ALLC: variants seen among roughly 807,000 people sequenced by gnomAD.
ALLC encodes the protein allantoicase, also known as probable inactive allantoicase.
Under a neutral mutation model 45.0 loss-of-function variants are expected in ALLC, and 40 were observed. The observed-to-expected ratio is 0.89, with a 90% CI of 0.69 to 1.16. The LOEUF (loss-of-function observed/expected upper bound fraction) is 1.16, where lower values mean the gene tolerates loss of function less well. Among genes scored for constraint, ALLC ranks in the 50% most tolerant of loss-of-function variants. ALLC has a pLI of 0.00. For missense variants in ALLC, 488 were observed against 493.1 expected, an observed-to-expected ratio of 0.99 and a Z score of 0.10; for synonymous variants, 176 against 178.1, an observed-to-expected ratio of 0.99 and a Z score of 0.09.
rs1558532850 is a variant in ALLC at position 3,660,819 on chromosome 2, A to AATCGGAATGAGTCAGGGTGGGGCAGGTG, written c.-63+2545_-63+2546insGGCAGGTGATCGGAATGAGTCAGGGTGG. On this transcript the variant is annotated intron_variant, in intron 1 of 11. Coordinates refer to ENST00000252505, the MANE Select transcript of ALLC (RefSeq NM_018436.4). The stretch of plus-strand genomic sequence containing the variant: ...CGGAATGAGTCAGGGTGGGGCAGGA[A>AATCGGAATGAGTCAGGGTGGGGCAGGTG]ATCGGAATGAGTCAGGGTGGAGCAG... Among the ~76,000 whole-genome samples the AATCGGAATGAGTCAGGGTGGGGCAGGTG allele has an allele frequency of 8.0e-3, 854 of 106,388 alleles. 4 individuals are homozygous for AATCGGAATGAGTCAGGGTGGGGCAGGTG. The highest frequency in any genetic ancestry group is 9.6e-3 in the Non-Finnish European group (514 of 53,420). The allele number at this position is 106,388 out of a possible 152,430, so 69.8% of individuals were successfully genotyped here.
the ALLC span, among the ~76,000 whole-genome samples, chr2:3,651,398 T>C: frequency 1.6e-4 from 4 of 25,752 alleles, 1 homozygote; most frequent in African/African-American, 5.8e-4. Context: ...TGTGTGTGTG[T>C]GTGTGTGTGT....
At chr2:3,675,076 A>T (rs776612711) in intron 3 of ALLC, among the ~76,000 whole-genome samples, 1 of 152,158 alleles carries the variant, frequency 6.6e-6, no homozygotes, top group African/African-American at 2.4e-5. Flanking sequence ...GCTCTTCCAG[A>T]TATGGACTAT....
At chr2:3,651,305 T>C in the ALLC span, among the ~76,000 whole-genome samples, 3 of 23,348 alleles carry the variant, frequency 1.3e-4, no homozygotes, top group Non-Finnish European at 1.8e-4. Context: ...TTTGGGTGGG[T>C]GGGTGGGTGG....
chr2:3,697,730 A>G (rs924017614), intron 10 of ALLC, among the ~76,000 whole-genome samples: 6 of 151,656 alleles, frequency 4.0e-5, no homozygotes, highest in Admixed American at 6.6e-5. Flanking sequence ...CAGTGGCGCA[A>G]TCTCAGCTCA....
chr2:3,675,389 A>C (rs1170981347), intron 3 of ALLC, among the ~76,000 whole-genome samples: 3 of 13,994 alleles, frequency 2.1e-4, no homozygotes, highest in African/African-American at 3.1e-4. Context: ...GACCCTGTCA[A>C]AAAAAAAAAA....
rs185248817 is a variant in ALLC at position 3,662,504 on chromosome 2, A to G, written c.-63+4210A>G. Among the ~76,000 whole-genome samples, 6 of 152,384 alleles carry G rather than the reference A, an allele frequency of 3.9e-5. No individual in the cohort carries two copies. The East Asian group carries it at 1.2e-3, about 29-fold the overall frequency. On this transcript the variant is annotated intron_variant, in intron 1 of 11. Transcript: ENST00000252505. ...GTCATGAGTGGATGCTTTAGGAATT[A>G]GTGGCTGATGAGATATACGGACTAA...
the ALLC span, among the ~76,000 whole-genome samples, chr2:3,651,399 G>GCA: frequency 5.5e-5 from 2 of 36,148 alleles, no homozygotes; most frequent in African/African-American, 9.1e-5. Flanking sequence ...GTGTGTGTGT[G>GCA]TGTGTGTGTG....
chr2:3,686,598 T>C (rs149004102), intron 7 of ALLC, among the ~76,000 whole-genome samples: 3 of 151,126 alleles, frequency 2.0e-5, no homozygotes, highest in African/African-American at 7.2e-5. Flanking sequence ...ATTTTTTCTG[T>C]GTCCTCTTCA....
intron 3 of ALLC, among the ~76,000 whole-genome samples, chr2:3,675,496 GAT>G (rs1276201069): frequency 6.6e-6 from 1 of 151,872 alleles, no homozygotes; most frequent in Non-Finnish European, 1.5e-5. Flanking sequence ...CAAACAGTGA[GAT>G]GTGATTATCT....
At position 3,680,559 on chromosome 2, in the gene ALLC, C is replaced by T. The variant is rs2148006789; in HGVS notation, c.298+565C>T. 6.6e-6 allele frequency among the ~76,000 whole-genome samples: 1 copy of T among 152,314 alleles called. No individual in the cohort carries two copies. On this transcript the variant is annotated intron_variant, in intron 5 of 11. Transcript: ENST00000252505. This position sits in a 1 kb window ranked among gnomAD's most constrained non-coding sequence, Gnocchi z 4.0. ...CTCAGGTGCTGAAGAAGCCAAGAAA[C>T]CAAAGAAAGAGGCTGACAAATCCAG...
intron 1 of ALLC, among the ~76,000 whole-genome samples, chr2:3,668,123 A>G (rs992586309): frequency 6.6e-6 from 1 of 152,220 alleles, no homozygotes; most frequent in Admixed American, 6.5e-5. Flanking sequence ...GGGAACAAAG[A>G]TGGGCCCGGA....
chr2:3,674,916 A>G (rs1412200686), intron 3 of ALLC, among the ~76,000 whole-genome samples: 4 of 152,232 alleles, frequency 2.6e-5, no homozygotes, highest in Non-Finnish European at 4.4e-5. Flanking sequence ...ACTGAAATGC[A>G]TGTCTACCTT....
intron 10 of ALLC, among the ~76,000 whole-genome samples, 161 bp downstream of exon 10, chr2:3,697,617 GTCTGTCTATCTATCTATCTA>G (rs1278603626): frequency 3.6e-5 from 5 of 138,708 alleles, no homozygotes; most frequent in East Asian, 4.2e-4. Flanking sequence ...AACTCTGTCT[GTCTGTCTATCTATCTATCTA>G]TCTATCTATC....
chr2:3,681,015 T>C (rs952118582), intron 5 of ALLC, among the ~76,000 whole-genome samples: 1 of 152,212 alleles, frequency 6.6e-6, no homozygotes, highest in African/African-American at 2.4e-5. Flanking sequence ...TGTGTGTGTT[T>C]ATACATGTAC....
At chr2:3,655,509 G>A (rs1666418587), upstream of ALLC, among the ~76,000 whole-genome samples, 1 of 152,234 alleles carries the variant, frequency 6.6e-6, no homozygotes, top group African/African-American at 2.4e-5. Flanking sequence ...AGGCTGGAGA[G>A]CAGTGGTGCG....
At chr2:3,648,925 A>T in the ALLC span, among the ~76,000 whole-genome samples, 3 of 152,194 alleles carry the variant, frequency 2.0e-5, no homozygotes, top group Non-Finnish European at 2.9e-5. Context: ...TGAGGATTAC[A>T]TGACACGATG....
chr2:3,669,109 G>T (rs907460419), intron 1 of ALLC, among the ~76,000 whole-genome samples: 10 of 151,856 alleles, frequency 6.6e-5, no homozygotes, highest in Non-Finnish European at 1.2e-4. Flanking sequence ...GGCCAAGGAG[G>T]GTGGATCACC....
intron 1 of ALLC, among the ~76,000 whole-genome samples, chr2:3,660,796 G>C (rs910572384): frequency 6.6e-6 from 1 of 152,042 alleles, no homozygotes; most frequent in South Asian, 2.1e-4. Context: ...CAGGAAAACG[G>C]AATGAGTCAG....
chr2:3,652,807 C>T, the ALLC span, among the ~76,000 whole-genome samples: 1 of 152,102 alleles, frequency 6.6e-6, no homozygotes, highest in Non-Finnish European at 1.5e-5. Flanking sequence ...GTCTTGAACT[C>T]CTGAGTTCAG....
Sources: gnomAD v4.1 joint callset for allele counts (sites outside exome capture counted in the v4.1 genomes callset) on GRCh38, gnomAD v4.1.1 for gene constraint, Gnocchi (gnomAD v3.1) non-coding constraint, MANE v1.5 for transcripts, NCBI Gene and HGNC (gene_info 2026-07-23, HGNC 2026-07-21) for gene names.